The following PRKCE variants were observed in gnomAD, a reference collection of about 807,000 sequenced individuals.
PRKCE encodes protein kinase C epsilon type.
PRKCE carries 16 observed loss-of-function variants against 85.4 expected under a neutral mutation model. The ratio of observed to expected loss-of-function variants is 0.19; its 90% confidence interval spans 0.13 to 0.28. PRKCE has a LOEUF of 0.28. Among genes scored for constraint, PRKCE ranks in the 10% least tolerant of loss-of-function variants. PRKCE has a pLI of 1.00. For synonymous variants in PRKCE, 388 were observed against 371.5 expected (o/e 1.04, Z -0.51); for missense variants, 573 against 975.2 (o/e 0.59, Z 5.49).
chr2:46,059,796 A>G (rs1666938688), intron 10 of PRKCE, among the ~76,000 whole-genome samples: 2 of 152,202 alleles, frequency 1.3e-5, no homozygotes, highest in Admixed American at 1.3e-4. Flanking sequence ...CCTGAGCAAT[A>G]TAGTGAGACC....
At chr2:46,130,674 A>G (rs895074875) in intron 11 of PRKCE, among the ~76,000 whole-genome samples, 4 of 152,240 alleles carry the variant, frequency 2.6e-5, no homozygotes, top group African/African-American at 9.6e-5. Flanking sequence ...TGGCTGAGAA[A>G]TATTCCTTCC....
intron 1 of PRKCE, among the ~76,000 whole-genome samples, chr2:45,656,597 A>G (rs1428379882): frequency 1.3e-5 from 2 of 152,250 alleles, no homozygotes; most frequent in African/African-American, 2.4e-5. Context: ...TTTCATGTAC[A>G]TAAGAATCAG....
intron 6 of PRKCE, among the ~76,000 whole-genome samples, chr2:45,994,251 T>C (rs1704045263): frequency 6.6e-6 from 1 of 151,978 alleles, no homozygotes; most frequent in African/African-American, 2.4e-5. Context: ...TGCAACGGAG[T>C]GGTATATTTG....
At chr2:46,060,105 G>A (rs1316068414) in intron 10 of PRKCE, among the ~76,000 whole-genome samples, 2 of 152,154 alleles carry the variant, frequency 1.3e-5, no homozygotes, top group African/African-American at 2.4e-5. Context: ...TAAATTCAAT[G>A]TGAATTATTC....
intron 2 of PRKCE, among the ~76,000 whole-genome samples, chr2:45,913,591 G>A (rs984578808): frequency 3.3e-5 from 5 of 152,174 alleles, no homozygotes; most frequent in South Asian, 2.1e-4. Context: ...AAGTCTTGTC[G>A]CCTGGCCTGA....
Position 45,786,073 on chromosome 2 carries a change from C to A in PRKCE, c.349-56927C>A, listed in dbSNP as rs974274957. ...GGGTCATCGTGGGGGTGAATAGATACCTGCTTCTCTCCAGGGACCTATGGC... is the reference window on the plus strand; with the variant it reads ...GGGTCATCGTGGGGGTGAATAGATAACTGCTTCTCTCCAGGGACCTATGGC... On this transcript the variant is annotated intron_variant, in intron 1 of 14. Transcript: ENST00000306156. This position sits in a 1 kb window ranked among gnomAD's most constrained non-coding sequence, Gnocchi z 5.3. 7.9e-5 allele frequency among the ~76,000 whole-genome samples: 12 copies of A among 152,102 alleles called. No homozygotes were observed. Among genetic ancestry groups the A allele is most frequent in the Non-Finnish European group, 1.5e-4 (10 of 68,008 alleles).
At chr2:46,129,513 A>T (rs1475659393) in intron 11 of PRKCE, among the ~76,000 whole-genome samples, 1 of 152,260 alleles carries the variant, frequency 6.6e-6, no homozygotes, top group Admixed American at 6.5e-5. Flanking sequence ...AGTGCCAAGA[A>T]CAGCGCATGT....
At chr2:45,665,558 C>A (rs1490690288) in intron 1 of PRKCE, among the ~76,000 whole-genome samples, 1 of 152,188 alleles carries the variant, frequency 6.6e-6, no homozygotes, top group African/African-American at 2.4e-5. Context: ...AAAAAAGTTT[C>A]TCTTTGGTAC....
Position 45,976,323 on chromosome 2 carries a change from C to T in PRKCE, c.413-106C>T, listed in dbSNP as rs1462832088. On this transcript the variant is annotated intron_variant, in intron 2 of 14. Transcript: ENST00000306156. ...ACACACAAAGGCTACCTCTCACCCA[C>T]CCCAGCTCCACTCCCCCAGGGATGG... The T allele has an allele frequency of 1.6e-5, 22 of 1,355,768 alleles. 1 individual carries two copies. The East Asian group carries it at 4.6e-4, about 28-fold the overall frequency. 84.0% of individuals were successfully genotyped at this position (1,355,768 alleles called of 1,614,324 possible).
At chr2:45,806,959 T>A (rs1017928797) in intron 1 of PRKCE, among the ~76,000 whole-genome samples, 3 of 152,180 alleles carry the variant, frequency 2.0e-5, no homozygotes, top group Non-Finnish European at 4.4e-5. Context: ...AGAGAGCCAC[T>A]GTGGGTAGAC....
chr2:45,946,277 A>G (rs778355790), intron 2 of PRKCE, among the ~76,000 whole-genome samples: 1 of 152,258 alleles, frequency 6.6e-6, no homozygotes, highest in Non-Finnish European at 1.5e-5. Flanking sequence ...CTAACAGTGC[A>G]GTGAGGCCAT....
rs868848147 is a variant in PRKCE at position 45,907,619 on chromosome 2, C to T, written c.412+64556C>T. Among the ~76,000 whole-genome samples, 1 of 152,226 alleles carries T rather than the reference C, an allele frequency of 6.6e-6. No individual in the cohort carries two copies. Among genetic ancestry groups the T allele is most frequent in the East Asian group, 1.9e-4 (1 of 5,196 alleles). On this transcript the variant is annotated intron_variant, in intron 2 of 14. Transcript: ENST00000306156. The surrounding 1 kb of genome is among the most constrained non-coding windows in gnomAD (Gnocchi z 4.5). Reference sequence around the variant, plus strand: ...GTGTCATTTTCCCAGTGCCAATCATCGTGGTCCGCATTCTATGGACTGTTC... The same window carrying T: ...GTGTCATTTTCCCAGTGCCAATCATTGTGGTCCGCATTCTATGGACTGTTC...
chr2:45,929,626 C>T (rs1380878808), intron 2 of PRKCE, among the ~76,000 whole-genome samples: 1 of 152,148 alleles, frequency 6.6e-6, no homozygotes, highest in Non-Finnish European at 1.5e-5. Flanking sequence ...CTCATATTAT[C>T]AAAGGTTCTT....
At chr2:45,864,224 C>A (rs1693400236) in intron 2 of PRKCE, among the ~76,000 whole-genome samples, 1 of 152,100 alleles carries the variant, frequency 6.6e-6, no homozygotes, top group Non-Finnish European at 1.5e-5. Flanking sequence ...GCCTAGGGGG[C>A]CTCAATCTTC....
Position 46,149,326 on chromosome 2 carries a change from A to G in PRKCE, c.1732-1715A>G, listed in dbSNP as rs561174783. ...TTTGCCTTTTTTTTTCAGGGTCCTC[A>G]AAGTGTTCCCCCTTGCAGGATATGC... On this transcript the variant is annotated intron_variant, in intron 12 of 14. Transcript: ENST00000306156. Among the ~76,000 whole-genome samples, 21 of 152,172 alleles carry G rather than the reference A, an allele frequency of 1.4e-4. 1 individual carries two copies. The highest frequency in any genetic ancestry group is 5.1e-4 in the African/African-American group (21 of 41,508).
At chr2:46,148,550 C>T (rs1226871160) in intron 12 of PRKCE, among the ~76,000 whole-genome samples, 1 of 152,224 alleles carries the variant, frequency 6.6e-6, no homozygotes, top group Non-Finnish European at 1.5e-5. Flanking sequence ...CACTGTAGCA[C>T]CCAGTGTGCC....
chr2:45,695,971 G>A (rs902200733), intron 1 of PRKCE, among the ~76,000 whole-genome samples: 28 of 151,952 alleles, frequency 1.8e-4, no homozygotes, highest in African/African-American at 6.0e-4. Context: ...TTAAGTTTTA[G>A]GGTACATGTG....
intron 2 of PRKCE, among the ~76,000 whole-genome samples, chr2:45,929,899 G>T (rs573532703): frequency 2.2e-4 from 33 of 152,320 alleles, no homozygotes; most frequent in African/African-American, 7.7e-4. Flanking sequence ...CGAGGGCAGG[G>T]CCTTGCCCTA....
chr2:46,037,524 A>G (rs1272918706), intron 10 of PRKCE, among the ~76,000 whole-genome samples: 3 of 152,198 alleles, frequency 2.0e-5, no homozygotes, highest in Admixed American at 1.3e-4. Flanking sequence ...CCTCAGGCGA[A>G]CGCTTCCATC....
Sources: allele counts gnomAD v4.1 joint callset (sites outside exome capture counted in the v4.1 genomes callset), GRCh38; gene constraint gnomAD v4.1.1; non-coding constraint Gnocchi (gnomAD v3.1); transcripts MANE v1.5; gene names NCBI Gene and HGNC (gene_info 2026-07-23, HGNC 2026-07-21).